CALN1: variants seen among roughly 807,000 people sequenced by gnomAD.
The protein encoded by CALN1 is calcium-binding protein 8.
A neutral mutation model predicts 30.6 loss-of-function variants in CALN1; 17 were observed. That is an observed-to-expected ratio of 0.56 (90% CI 0.38 to 0.83). The LOEUF (loss-of-function observed/expected upper bound fraction) is 0.83, where lower values mean the gene tolerates loss of function less well. Among genes scored for constraint, CALN1 ranks in the 40% least tolerant of loss-of-function variants. The probability of loss-of-function intolerance (pLI) is 0.00; values close to 1 mark genes in which losing one functional copy is unlikely to be tolerated. For missense variants in CALN1, 291 were observed against 354.9 expected (o/e 0.82, Z 1.45); for synonymous variants, 156 against 131.4 (o/e 1.19, Z -1.28).
intron 3 of CALN1, among the ~76,000 whole-genome samples, chr7:72,210,896 TAAAA>T (rs372031170): frequency 6.7e-6 from 1 of 148,314 alleles, no homozygotes; most frequent in Non-Finnish European, 1.5e-5. Flanking sequence ...AGAAAAAAAT[TAAAA>T]AAAAAATTAG....
intron 2 of CALN1, among the ~76,000 whole-genome samples, chr7:72,317,459 G>A (rs1401009638): frequency 6.6e-6 from 1 of 152,168 alleles, no homozygotes; most frequent in Non-Finnish European, 1.5e-5. Flanking sequence ...ATCTAATGTT[G>A]CAGTTTGGTA....
chr7:72,024,390 T>C (rs1421080736), intron 4 of CALN1, among the ~76,000 whole-genome samples: 2 of 152,178 alleles, frequency 1.3e-5, no homozygotes, highest in African/African-American at 4.8e-5. Context: ...CTTTCTATAT[T>C]TGAACAGCAC....
At chr7:72,411,411 GAA>G (rs1207463540) in intron 1 of CALN1, among the ~76,000 whole-genome samples, 4 of 152,054 alleles carry the variant, frequency 2.6e-5, no homozygotes, top group South Asian at 4.1e-4. Flanking sequence ...CTATGTTAGA[GAA>G]AAGAGCTGTA....
chr7:72,014,954 G>A (rs557817571), intron 5 of CALN1, among the ~76,000 whole-genome samples: 3 of 152,256 alleles, frequency 2.0e-5, no homozygotes, highest in Admixed American at 6.5e-5. Context: ...GAGACACTGC[G>A]TCCAGCCTTT....
chr7:72,224,953 C>G (rs777475305), intron 3 of CALN1, among the ~76,000 whole-genome samples: 3 of 151,828 alleles, frequency 2.0e-5, no homozygotes, highest in African/African-American at 7.3e-5. Context: ...AAAAAATTAG[C>G]TGGGTGTGGT....
chr7:72,125,324 TTATC>T (rs1808671855), intron 3 of CALN1, among the ~76,000 whole-genome samples: 1 of 152,162 alleles, frequency 6.6e-6, no homozygotes, highest in Non-Finnish European at 1.5e-5. Flanking sequence ...CCACCATGTT[TTATC>T]TATCAGATGC....
intron 4 of CALN1, among the ~76,000 whole-genome samples, chr7:72,036,550 C>T (rs1275151261): frequency 6.6e-6 from 1 of 152,136 alleles, no homozygotes; most frequent in Non-Finnish European, 1.5e-5. Context: ...TTTCCCCAGT[C>T]TTGGTAATTT....
In CALN1 at chr7:72,317,084, G is replaced by GAGAGAGAGAAAAAA. The variant is rs201834973; in HGVS notation, c.120-38275_120-38274insTTTTTTCTCTCTCT. ...AGAGAGAAAGAGAGACACAGAAAGA[G>GAGAGAGAGAAAAAA]AGAGAGAGAGGGAGGGAGGAAGGGA... On this transcript the variant is annotated intron_variant, in intron 2 of 6. Coordinates refer to ENST00000395275, the MANE Select transcript of CALN1 (RefSeq NM_031468.4). Among the ~76,000 whole-genome samples, 3 of 109,822 alleles carry GAGAGAGAGAAAAAA rather than the reference G, an allele frequency of 2.7e-5. No homozygotes were observed. The East Asian group carries it at 9.3e-4, about 34-fold the overall frequency. The allele number at this position is 109,822 out of a possible 152,430, so 72.0% of individuals were successfully genotyped here.
In CALN1 at chr7:72,330,350, C is replaced by G. The variant is rs537738009; in HGVS notation, c.120-51540G>C. 7.0e-4 allele frequency among the ~76,000 whole-genome samples: 107 copies of G among 151,884 alleles called. 1 individual carries two copies. The highest frequency in any genetic ancestry group is 2.5e-3 in the African/African-American group (103 of 41,402). On this transcript the variant is annotated intron_variant, in intron 2 of 6. Coordinates refer to ENST00000395275, the MANE Select transcript of CALN1 (RefSeq NM_031468.4). ...GGGTGTGGTGGTGTACGTCTGTAATCCCAGCTTCCCGGAAGGCTGAGGCAG... is the reference window on the plus strand; with the variant it reads ...GGGTGTGGTGGTGTACGTCTGTAATGCCAGCTTCCCGGAAGGCTGAGGCAG...
the CALN1 span, among the ~76,000 whole-genome samples, chr7:72,503,691 GTT>G: frequency 1.3e-5 from 2 of 152,028 alleles, no homozygotes; most frequent in South Asian, 4.2e-4. Flanking sequence ...CTCTGAGTCT[GTT>G]TTCCTAATCT....
At chr7:72,190,475 C>T (rs1790522884) in intron 3 of CALN1, among the ~76,000 whole-genome samples, 2 of 152,148 alleles carry the variant, frequency 1.3e-5, no homozygotes, top group East Asian at 1.9e-4. Flanking sequence ...ACTTATTTGA[C>T]TGTGGACCTT....
At chr7:71,790,168 AAAAG>A (rs889155643) in intron 6 of CALN1, among the ~76,000 whole-genome samples, 3 of 150,376 alleles carry the variant, frequency 2.0e-5, no homozygotes, top group African/African-American at 7.3e-5. Flanking sequence ...AAGAAAAAGA[AAAAG>A]AAAGAATCAA....
At chr7:72,467,306 C>A in the CALN1 span, among the ~76,000 whole-genome samples, 1 of 152,186 alleles carries the variant, frequency 6.6e-6, no homozygotes, top group Admixed American at 6.5e-5. Flanking sequence ...AATGTCCACA[C>A]GGCAGGGGGG....
chr7:72,251,737 C>A, intron 3 of CALN1, among the ~76,000 whole-genome samples: 1 of 152,030 alleles, frequency 6.6e-6, no homozygotes, highest in East Asian at 1.9e-4. Context: ...TAATAGATTA[C>A]GTGAATATGA....
intron 3 of CALN1, among the ~76,000 whole-genome samples, chr7:72,161,717 G>C (rs1788123589): frequency 6.6e-6 from 1 of 151,950 alleles, no homozygotes; most frequent in South Asian, 2.1e-4. Flanking sequence ...GCTGAATGAT[G>C]AGAAGACAGG....
intron 3 of CALN1, among the ~76,000 whole-genome samples, chr7:72,169,492 T>TTA (rs1554463677): frequency 1.7e-4 from 15 of 88,278 alleles, no homozygotes; most frequent in African/African-American, 6.3e-4. Flanking sequence ...GCTGATTATT[T>TTA]TTTTTTTTTT....
chr7:72,491,903 A>G, the CALN1 span, among the ~76,000 whole-genome samples: 1 of 152,348 alleles, frequency 6.6e-6, no homozygotes, highest in African/African-American at 2.4e-5. Context: ...TCAAGATGCC[A>G]TAAGTTATGT....
chr7:71,817,399 A>T (rs181434710), intron 5 of CALN1, among the ~76,000 whole-genome samples: 12 of 152,286 alleles, frequency 7.9e-5, no homozygotes, highest in African/African-American at 2.9e-4. Context: ...TTAATGGATC[A>T]TAGGGAAGAG....
chr7:72,318,867 G>GA (rs752243987), intron 2 of CALN1, among the ~76,000 whole-genome samples: 116 of 139,752 alleles, frequency 8.3e-4, no homozygotes, highest in Admixed American at 2.4e-3. Flanking sequence ...AAAGTCAAAA[G>GA]AAAAAAAAAA....
Sources: gnomAD v4.1 joint callset for allele counts (sites outside exome capture counted in the v4.1 genomes callset) on GRCh38, gnomAD v4.1.1 for gene constraint, MANE v1.5 for transcripts, NCBI Gene and HGNC (gene_info 2026-07-23, HGNC 2026-07-21) for gene names.